Variants in TMCO5A observed in about 807,000 individuals in gnomAD.
TMCO5A encodes transmembrane and coiled-coil domains 5A.
Under a neutral mutation model 42.3 loss-of-function variants are expected in TMCO5A, and 34 were observed. That is an observed-to-expected ratio of 0.80 (90% CI 0.61 to 1.07). The LOEUF (loss-of-function observed/expected upper bound fraction) is 1.07. Among genes scored for constraint, TMCO5A ranks in the 50% least tolerant of loss-of-function variants. The pLI is 0.00. For synonymous variants in TMCO5A, 131 were observed against 115.6 expected (o/e 1.13, Z -0.86); for missense variants, 357 against 327.9 (o/e 1.09, Z -0.69).
chr15:37,956,340 G>T (rs2959340), downstream of TMCO5A, among the ~76,000 whole-genome samples: 94,929 of 151,958 alleles, frequency 0.62, 33,210 homozygotes, highest in Middle Eastern at 0.81. Context: ...AAAATAGATA[G>T]ACCACTAGCC....
chr15:38,032,958 C>T, the TMCO5A span, among the ~76,000 whole-genome samples: 2 of 139,260 alleles, frequency 1.4e-5, no homozygotes, highest in Admixed American at 7.5e-5. Context: ...GACGGAGTCT[C>T]GCCTTGTCGC....
the TMCO5A span, among the ~76,000 whole-genome samples, chr15:37,978,385 G>A: frequency 1.3e-5 from 2 of 152,238 alleles, no homozygotes; most frequent in Non-Finnish European, 2.9e-5. Context: ...GGGAAACACA[G>A]AGCTACTACC....
chr15:38,009,167 A>G, the TMCO5A span, among the ~76,000 whole-genome samples: 2 of 152,192 alleles, frequency 1.3e-5, no homozygotes, highest in African/African-American at 4.8e-5. Flanking sequence ...GTATCTTCTC[A>G]TTTTGAACTT....
At chr15:37,948,809 C>G (rs1890056068) in intron 11 of TMCO5A, among the ~76,000 whole-genome samples, 1 of 152,058 alleles carries the variant, frequency 6.6e-6, no homozygotes, top group Non-Finnish European at 1.5e-5. Context: ...AGGATTTTCC[C>G]TGGGAATGCA....
At chr15:37,970,842 T>C (rs1023393156), downstream of TMCO5A, among the ~76,000 whole-genome samples, 1 of 152,230 alleles carries the variant, frequency 6.6e-6, no homozygotes, top group African/African-American at 2.4e-5. Flanking sequence ...CAGGTCATGC[T>C]GATGCAAGAG....
chr15:37,995,800 G>A, the TMCO5A span, among the ~76,000 whole-genome samples: 1 of 151,668 alleles, frequency 6.6e-6, no homozygotes, highest in Non-Finnish European at 1.5e-5. Context: ...TAACAAAATT[G>A]CGTTTCCAGA....
chr15:37,954,746 A>T (rs766701811), downstream of TMCO5A, among the ~76,000 whole-genome samples: 1 of 152,166 alleles, frequency 6.6e-6, no homozygotes, highest in Non-Finnish European at 1.5e-5. Flanking sequence ...ACAACTTTTC[A>T]AAACATAGAC....
chr15:37,973,426 T>C, the TMCO5A span, among the ~76,000 whole-genome samples: 1 of 152,206 alleles, frequency 6.6e-6, no homozygotes, highest in Non-Finnish European at 1.5e-5. Flanking sequence ...CCCATAAGCA[T>C]TGAATATGTC....
intron 11 of TMCO5A, among the ~76,000 whole-genome samples, chr15:37,950,730 C>T (rs1890127233): frequency 1.3e-5 from 2 of 151,952 alleles, no homozygotes; most frequent in Admixed American, 1.3e-4. Context: ...GGTTATAAGC[C>T]AATGAAACTG....
chr15:38,006,927 C>T, the TMCO5A span, among the ~76,000 whole-genome samples: 1 of 151,756 alleles, frequency 6.6e-6, no homozygotes, highest in South Asian at 2.1e-4. Context: ...CACAACAACT[C>T]AAATCTGCCA....
chr15:37,969,190 G>A (rs1015738617), downstream of TMCO5A, among the ~76,000 whole-genome samples: 4 of 152,136 alleles, frequency 2.6e-5, no homozygotes, highest in Admixed American at 2.0e-4. Context: ...AAAATGACAT[G>A]CCACATATTA....
downstream of TMCO5A, among the ~76,000 whole-genome samples, chr15:37,952,100 C>T (rs1344000840): frequency 6.6e-6 from 1 of 152,090 alleles, no homozygotes; most frequent in South Asian, 2.1e-4. Context: ...TCCCAGCTGT[C>T]GGAATTTAAG....
chr15:37,995,845 C>CAAA, the TMCO5A span, among the ~76,000 whole-genome samples: 36 of 141,076 alleles, frequency 2.6e-4, no homozygotes, highest in South Asian at 1.1e-3. Flanking sequence ...CAATCCCCTC[C>CAAA]AAAAAAAAAA....
rs11366248 is a variant in TMCO5A at position 37,938,236 on chromosome 15, G to GA, written c.387+14dup. 3 of 1,558,264 alleles carry GA rather than the reference G, an allele frequency of 1.9e-6. No individual in the cohort carries two copies. The highest frequency in any genetic ancestry group is 1.9e-5 in the Admixed American group (1 of 53,300). On this transcript the variant is annotated splice_region_variant and intron_variant, in intron 6 of 11. Coordinates refer to ENST00000319669, the MANE Select transcript of TMCO5A (RefSeq NM_152453.4). ...AGCCCTAGAAGAGACAAAGGTAAAT[G>GA]AAAAAAACAATCCTAAATGTGGTTG...
downstream of TMCO5A, among the ~76,000 whole-genome samples, chr15:37,970,965 T>C (rs973380046): frequency 5.3e-5 from 8 of 152,212 alleles, no homozygotes; most frequent in African/African-American, 1.9e-4. Flanking sequence ...TCCAGGCACC[T>C]TGTGCAAGCT....
the TMCO5A span, among the ~76,000 whole-genome samples, chr15:38,030,169 T>C: frequency 5.3e-5 from 8 of 152,202 alleles, no homozygotes; most frequent in Non-Finnish European, 8.8e-5. Context: ...ATCCACCATA[T>C]TGATTGTCTC....
intron 11 of TMCO5A, among the ~76,000 whole-genome samples, chr15:37,960,246 A>G (rs961964435): frequency 2.6e-5 from 4 of 151,734 alleles, no homozygotes; most frequent in African/African-American, 9.7e-5. Flanking sequence ...TTGCGTCCTC[A>G]TAGCTTAGCT....
intron 2 of TMCO5A, 115 bp from the exon 3 acceptor site, chr15:37,936,198 GC>G (rs1358205315): frequency 1.1e-5 from 13 of 1,159,106 alleles, no homozygotes; most frequent in Non-Finnish European, 1.5e-5. Flanking sequence ...AAAATGGTAT[GC>G]CCCCAGAGAG....
chr15:37,940,030 C>A (rs1889676309), intron 6 of TMCO5A, among the ~76,000 whole-genome samples: 1 of 152,116 alleles, frequency 6.6e-6, no homozygotes, highest in South Asian at 2.1e-4. Context: ...TCTACCACTT[C>A]TGTTACTACT....
Sources: allele counts gnomAD v4.1 joint callset (sites outside exome capture counted in the v4.1 genomes callset), GRCh38; gene constraint gnomAD v4.1.1; transcripts MANE v1.5; gene names NCBI Gene and HGNC (gene_info 2026-07-23, HGNC 2026-07-21).